The following GRID1 variants were observed in gnomAD, a reference collection of about 807,000 sequenced individuals.
GRID1 encodes the protein glutamate ionotropic receptor delta type subunit 1.
GRID1 carries 28 observed loss-of-function variants against 98.0 expected under a neutral mutation model. The ratio of observed to expected loss-of-function variants is 0.29; its 90% CI spans 0.21 to 0.39. The LOEUF is 0.39. Among genes scored for constraint, GRID1 ranks in the 10% least tolerant of loss-of-function variants. The probability of loss-of-function intolerance (pLI) is 1.00; values close to 1 mark genes in which losing one functional copy is unlikely to be tolerated. For synonymous variants in GRID1, 553 were observed against 538.5 expected (o/e 1.03, Z -0.37); for missense variants, 1,111 against 1,340.5 (o/e 0.83, Z 2.67).
At chr10:85,707,973 G>T (rs1295989812) in intron 12 of GRID1, among the ~76,000 whole-genome samples, 1 of 151,996 alleles carries the variant, frequency 6.6e-6, no homozygotes, top group Non-Finnish European at 1.5e-5. Context: ...TGGGGTCGGG[G>T]GTGTGGGGAG....
At chr10:85,732,141 G>T (rs887441644) in intron 8 of GRID1, among the ~76,000 whole-genome samples, 10 of 152,096 alleles carry the variant, frequency 6.6e-5, no homozygotes, top group African/African-American at 2.2e-4. Flanking sequence ...ATATTTATTT[G>T]GGGTGCCTGC....
chr10:85,909,428 A>G (rs1451682345), intron 5 of GRID1, among the ~76,000 whole-genome samples: 1 of 152,264 alleles, frequency 6.6e-6, no homozygotes, highest in Non-Finnish European at 1.5e-5. Context: ...GTATATGTCC[A>G]TACAAAGACT....
At chr10:86,125,956 T>C (rs1844746452) in intron 4 of GRID1, among the ~76,000 whole-genome samples, 1 of 152,224 alleles carries the variant, frequency 6.6e-6, no homozygotes, top group Non-Finnish European at 1.5e-5. Context: ...TGGCCAACAG[T>C]AAGCTTTAGG....
At chr10:85,762,639 G>A (rs115245400) in intron 8 of GRID1, among the ~76,000 whole-genome samples, 1 of 152,174 alleles carries the variant, frequency 6.6e-6, no homozygotes, top group Non-Finnish European at 1.5e-5. Flanking sequence ...AAGGCTGCCA[G>A]CTCCCTATCC....
intron 4 of GRID1, among the ~76,000 whole-genome samples, chr10:86,029,667 T>C (rs1310036309): frequency 1.3e-5 from 2 of 152,074 alleles, no homozygotes; most frequent in African/African-American, 4.8e-5. Flanking sequence ...TTTGCCTATA[T>C]TTAGACTAAC....
At chr10:86,023,729 C>A (rs965133408) in intron 4 of GRID1, among the ~76,000 whole-genome samples, 4 of 152,126 alleles carry the variant, frequency 2.6e-5, no homozygotes, top group Admixed American at 6.5e-5. Flanking sequence ...ATTTACACAG[C>A]CACACACGAA....
At chr10:86,345,810 A>C (rs1166500858) in intron 2 of GRID1, among the ~76,000 whole-genome samples, 2 of 151,382 alleles carry the variant, frequency 1.3e-5, no homozygotes, top group Non-Finnish European at 2.9e-5. Context: ...GGGAAGCCCT[A>C]AGGCCCCTGC....
chr10:86,104,457 G>T (rs1330137011), intron 4 of GRID1, among the ~76,000 whole-genome samples: 1 of 152,172 alleles, frequency 6.6e-6, no homozygotes, highest in Non-Finnish European at 1.5e-5. Context: ...CCCTCCCAGG[G>T]TAAAGGTCCC....
intron 5 of GRID1, among the ~76,000 whole-genome samples, chr10:85,870,165 G>A (rs1843263801): frequency 6.6e-6 from 1 of 152,224 alleles, no homozygotes; most frequent in Non-Finnish European, 1.5e-5. Flanking sequence ...CTAATCAGCT[G>A]CCAGCATAGG....
intron 8 of GRID1, among the ~76,000 whole-genome samples, chr10:85,820,907 T>TTTGATA (rs1842763983): frequency 6.6e-6 from 1 of 152,184 alleles, no homozygotes; most frequent in African/African-American, 2.4e-5. Context: ...ATTCTGCCTT[T>TTTGATA]TTGATATTCA....
intron 4 of GRID1, among the ~76,000 whole-genome samples, chr10:85,940,680 G>A (rs915694529): frequency 6.6e-6 from 1 of 152,358 alleles, no homozygotes; most frequent in South Asian, 2.1e-4. Flanking sequence ...AATTTAAAGG[G>A]TGCAGGGAGA....
intron 3 of GRID1, among the ~76,000 whole-genome samples, chr10:86,180,557 C>A (rs1845640866): frequency 6.6e-6 from 1 of 151,974 alleles, no homozygotes; most frequent in African/African-American, 2.4e-5. Flanking sequence ...GCTCCCTGTC[C>A]CAAGCTGGGC....
rs562902507 is a variant in GRID1, at chr10:85,972,354, A to T, written c.727-56115T>A. 1.7e-3 allele frequency among the ~76,000 whole-genome samples: 262 copies of T among 151,228 alleles called. 1 individual carries two copies. The highest frequency in any genetic ancestry group is 2.8e-3 in the Non-Finnish European group (189 of 67,770). On this transcript the variant is annotated intron_variant, in intron 4 of 15. Transcript: ENST00000327946. Reference sequence around the variant, plus strand: ...AACAACCCTAATGGAAATCAAAGGCAATTGGGAAGAGCGTAATTTCCCACA... The same window carrying T: ...AACAACCCTAATGGAAATCAAAGGCTATTGGGAAGAGCGTAATTTCCCACA...
chr10:85,757,130 G>T lies in GRID1; in HGVS notation c.1234-27516C>A, dbSNP rs370923991. Among the ~76,000 whole-genome samples the T allele has an allele frequency of 4.6e-5, 7 of 152,158 alleles. No homozygotes were observed. In the East Asian group the frequency reaches 5.8e-4, roughly 13 times the overall value. Reference sequence around the variant, plus strand: ...CAGGGGGCAAACTTGGGGCGGCAGGGTTCACCCACTCAGCAGATGCTCCTC... The same window carrying T: ...CAGGGGGCAAACTTGGGGCGGCAGGTTTCACCCACTCAGCAGATGCTCCTC... On this transcript the variant is annotated intron_variant, in intron 8 of 15. Transcript: ENST00000327946.
intron 4 of GRID1, among the ~76,000 whole-genome samples, chr10:86,110,681 G>A (rs879320138): frequency 6.6e-6 from 1 of 152,144 alleles, no homozygotes; most frequent in Non-Finnish European, 1.5e-5. Context: ...CTGTAACGTT[G>A]GGAAAGAGGC....
chr10:86,036,819 G>A (rs1326688413), intron 4 of GRID1, among the ~76,000 whole-genome samples: 8 of 152,148 alleles, frequency 5.3e-5, no homozygotes, highest in African/African-American at 1.2e-4. Flanking sequence ...ACCAGCCCAC[G>A]GCTTCTGCAG....
chr10:86,209,224 T>C (rs1018538238), intron 2 of GRID1, among the ~76,000 whole-genome samples: 1 of 152,146 alleles, frequency 6.6e-6, no homozygotes, highest in Non-Finnish European at 1.5e-5. Flanking sequence ...TAGCCAAAAT[T>C]TTGTGACATA....
At chr10:86,079,506 C>T (rs548493655) in intron 4 of GRID1, among the ~76,000 whole-genome samples, 5 of 152,220 alleles carry the variant, frequency 3.3e-5, no homozygotes, top group Admixed American at 6.5e-5. Flanking sequence ...ATCCATCAGA[C>T]CAGGAAGTGA....
At chr10:85,681,448 A>G (rs1387896418) in intron 12 of GRID1, among the ~76,000 whole-genome samples, 1 of 152,162 alleles carries the variant, frequency 6.6e-6, no homozygotes, top group Non-Finnish European at 1.5e-5. Context: ...AGGTTGCCCA[A>G]AGTTTATTAA....
Sources: allele counts gnomAD v4.1 joint callset (sites outside exome capture counted in the v4.1 genomes callset), GRCh38; gene constraint gnomAD v4.1.1; transcripts MANE v1.5; gene names NCBI Gene and HGNC (gene_info 2026-07-23, HGNC 2026-07-21).